The following DOCK7 variants were observed in gnomAD, a reference collection of about 807,000 sequenced individuals.
DOCK7 encodes dedicator of cytokinesis protein 7.
In DOCK7, 138 loss-of-function variants were observed where a neutral mutation model predicts 271.0. That is an observed-to-expected ratio of 0.51 (90% CI 0.44 to 0.59). DOCK7 has a LOEUF of 0.59. Among genes scored for constraint, DOCK7 ranks in the 20% least tolerant of loss-of-function variants. The pLI is 0.00. For missense variants in DOCK7, 2,066 were observed against 2,592.4 expected (o/e 0.80, Z 4.41); for synonymous variants, 823 against 876.1 (o/e 0.94, Z 1.07).
intron 41 of DOCK7, among the ~76,000 whole-genome samples, chr1:62,489,383 A>G (rs925734540): frequency 6.6e-6 from 1 of 152,178 alleles, no homozygotes; most frequent in Admixed American, 6.5e-5. Context: ...TGGGAGGCGG[A>G]GTGTGCAGTG....
chr1:62,660,322 T>G (rs1488034974), intron 2 of DOCK7, among the ~76,000 whole-genome samples: 1 of 152,110 alleles, frequency 6.6e-6, no homozygotes, highest in Non-Finnish European at 1.5e-5. Flanking sequence ...GAATAATCCA[T>G]GAGTTACAAA....
At chr1:62,668,672 C>T (rs780807370) in intron 1 of DOCK7, among the ~76,000 whole-genome samples, 4 of 152,032 alleles carry the variant, frequency 2.6e-5, no homozygotes, top group Non-Finnish European at 5.9e-5. Flanking sequence ...GCAGGAGGAT[C>T]GCTTGAGCCC....
rs1409975206 is a variant in DOCK7, at chr1:62,578,748, T to C, written c.2010+80A>G. 3.7e-6 allele frequency: 3 copies of C among 811,834 alleles called. No individual in the cohort carries two copies. In the African/African-American group the frequency reaches 6.2e-5, roughly 17 times the overall value. 50.3% of individuals were successfully genotyped at this position (811,834 alleles called of 1,614,324 possible). ...AAAAAAAAAAAAAAAAACCCACAAATGACCAGAAATATCAATTATATCTTA... is the reference window on the plus strand; with the variant it reads ...AAAAAAAAAAAAAAAAACCCACAAACGACCAGAAATATCAATTATATCTTA... On this transcript the variant is annotated intron_variant, in intron 17 of 49. Transcript: ENST00000635253.
At position 62,558,898 on chromosome 1, in the gene DOCK7, G is replaced by A. The variant is rs1020128818; in HGVS notation, c.2431+91C>T. The stretch of plus-strand genomic sequence containing the variant: ...AAATCAAATATAGTCCTTATATATA[G>A]CAAATAGAAATCATGTTTTTTTTTT... On this transcript the variant is annotated intron_variant, in intron 20 of 49. Coordinates refer to ENST00000635253, the MANE Select transcript of DOCK7 (RefSeq NM_001367561.1). 4 of 1,056,734 alleles carry A rather than the reference G, an allele frequency of 3.8e-6. No homozygotes were observed. In the African/African-American group the frequency reaches 6.5e-5, roughly 17 times the overall value. The allele number at this position is 1,056,734 out of a possible 1,614,324, so 65.5% of individuals were successfully genotyped here.
intron 14 of DOCK7, among the ~76,000 whole-genome samples, chr1:62,588,610 G>C (rs186512539): frequency 6.6e-5 from 10 of 152,200 alleles, no homozygotes; most frequent in Admixed American, 4.6e-4. Context: ...ATTTAGGTTA[G>C]AATTTTTTTC....
At chr1:62,658,148 A>G (rs1035712399) in intron 2 of DOCK7, among the ~76,000 whole-genome samples, 15 of 151,834 alleles carry the variant, frequency 9.9e-5, no homozygotes, top group African/African-American at 3.1e-4. Flanking sequence ...AGAAAAAAAA[A>G]AAAGAAAGAA....
intron 31 of DOCK7, among the ~76,000 whole-genome samples, 181 bp downstream of exon 31, chr1:62,527,970 T>C (rs1645063462): frequency 6.6e-6 from 1 of 152,006 alleles, no homozygotes; most frequent in Admixed American, 6.6e-5. Flanking sequence ...AACCTTGAGG[T>C]AATCATTTTT....
intron 2 of DOCK7, 122 bp from the exon 3 acceptor site, chr1:62,654,281 T>C: frequency 1.1e-6 from 1 of 931,504 alleles, no homozygotes. Context: ...TTCTAAAATT[T>C]TCACAGATAT....
chr1:62,668,961 C>T (rs913185069), intron 1 of DOCK7, among the ~76,000 whole-genome samples: 8 of 149,360 alleles, frequency 5.4e-5, no homozygotes, highest in African/African-American at 2.0e-4. Context: ...TATTATTACT[C>T]TGCCTTAGTG....
chr1:62,652,349 T>C (rs1262658194), intron 4 of DOCK7, among the ~76,000 whole-genome samples: 3 of 152,148 alleles, frequency 2.0e-5, no homozygotes, highest in African/African-American at 7.2e-5. Context: ...AAGTACTCCC[T>C]TTGGTCTTCC....
At chr1:62,529,148 T>C in intron 30 of DOCK7, 129 bp downstream of exon 30, 1 of 884,630 alleles carries the variant, frequency 1.1e-6, no homozygotes, top group Non-Finnish European at 1.6e-6. Context: ...TAGTTTAATA[T>C]TTATAGTTTA....
chr1:62,661,690 G>T (rs1247428535), intron 2 of DOCK7, among the ~76,000 whole-genome samples: 1 of 152,074 alleles, frequency 6.6e-6, no homozygotes, highest in Non-Finnish European at 1.5e-5. Flanking sequence ...TCCTAGTGAT[G>T]TGGAAGGACA....
chr1:62,469,637 G>A lies in DOCK7; in HGVS notation c.6212+4345C>T, dbSNP rs529166445. Among the ~76,000 whole-genome samples, 29 of 152,290 alleles carry A rather than the reference G, an allele frequency of 1.9e-4. No homozygotes were observed. In the South Asian group the frequency reaches 5.8e-3, roughly 31 times the overall value. ...GCAGAGTAAACAGACAACCCACAGAGTGGGAGAAAATCTTCACAATCTATG... is the reference window on the plus strand; with the variant it reads ...GCAGAGTAAACAGACAACCCACAGAATGGGAGAAAATCTTCACAATCTATG... On this transcript the variant is annotated intron_variant, in intron 48 of 49. Transcript: ENST00000635253.
Position 62,492,534 on chromosome 1 carries a change from C to T in DOCK7, c.5361+170G>A, listed in dbSNP as rs114262330. On this transcript the variant is annotated intron_variant, in intron 41 of 49. Transcript: ENST00000635253. ...AACTCCTGGATTCAAGCAATCCTCC[C>T]GTCTTAGCCTCTCAAAGTGCTGAGA... The T allele has an allele frequency of 5.9e-4, 399 of 676,726 alleles. No homozygotes were observed. In the African/African-American group the frequency reaches 6.4e-3, roughly 11 times the overall value. The allele number at this position is 676,726 out of a possible 1,614,324, so 41.9% of individuals were successfully genotyped here. A position where few individuals can be genotyped will look rare whatever the true frequency, so the allele number is the denominator to read the frequency against.
At chr1:62,476,844 G>C (rs751355385) in intron 44 of DOCK7, among the ~76,000 whole-genome samples, 1 of 152,152 alleles carries the variant, frequency 6.6e-6, no homozygotes, top group Non-Finnish European at 1.5e-5. Context: ...TATTTCCCAA[G>C]ACTTACACCT....
At chr1:62,633,706 T>C (rs1224210032) in intron 9 of DOCK7, 128 bp from the exon 10 acceptor site, 6 of 641,286 alleles carry the variant, frequency 9.4e-6, no homozygotes, top group Non-Finnish European at 1.6e-5. Flanking sequence ...TCTCAATTGC[T>C]GTAGAACAAA....
At chr1:62,647,825 ACT>A in intron 6 of DOCK7, 49 bp from the exon 7 acceptor site, 2 of 1,327,400 alleles carry the variant, frequency 1.5e-6, no homozygotes, top group Non-Finnish European at 2.1e-6. Context: ...TCATATTCCA[ACT>A]CTTTATCTTT....
chr1:62,618,833 T>C lies in DOCK7; in HGVS notation c.1555A>G (p.Asn519Asp). The C allele has an allele frequency of 6.2e-7, 1 of 1,613,818 alleles. No homozygotes were observed. The highest frequency in any genetic ancestry group is 8.5e-7 in the Non-Finnish European group (1 of 1,179,800). Residue 519 changes from asparagine to aspartate, a missense_variant, in exon 14 of 50, where the codon AAT (asparagine) becomes GAT (aspartate). By Grantham distance (23) the Asn-to-Asp change is conservative. This residue lies in a region of DOCK7 where 1,414 missense variants were observed against 1,670.4 expected (regional missense o/e 0.85). Transcript: ENST00000635253. ...TCCGGAGTTAGGCAATAATGGGGATTTTCAGGTGCGGGAGAAATGTCTATC... is the reference window on the plus strand; with the variant it reads ...TCCGGAGTTAGGCAATAATGGGGATCTTCAGGTGCGGGAGAAATGTCTATC... The part of the protein sequence containing the change: ...LKIDISPAPE[N>D]PHYCLTPELL...
At chr1:62,586,323 A>C (rs1647519503) in intron 15 of DOCK7, among the ~76,000 whole-genome samples, 184 bp downstream of exon 15, 1 of 152,162 alleles carries the variant, frequency 6.6e-6, no homozygotes, top group South Asian at 2.1e-4. Flanking sequence ...ACATATACCA[A>C]GTCTTCAAAA....
Sources: gnomAD v4.1 joint callset for allele counts (sites outside exome capture counted in the v4.1 genomes callset) on GRCh38, gnomAD v4.1.1 for gene constraint, gnomAD v4.1.1 regional missense constraint, MANE v1.5 for transcripts, NCBI Gene and HGNC (gene_info 2026-07-23, HGNC 2026-07-21) for gene names.